Variants in LILRB1 observed in about 807,000 individuals in gnomAD.
LILRB1 encodes leukocyte immunoglobulin-like receptor subfamily B member 1.
A neutral mutation model predicts 74.6 loss-of-function variants in LILRB1; 59 were observed. The observed-to-expected ratio is 0.79, with a 90% CI of 0.64 to 0.98. The LOEUF (loss-of-function observed/expected upper bound fraction) is 0.98, where lower values mean the gene tolerates loss of function less well. Among genes scored for constraint, LILRB1 ranks in the 50% least tolerant of loss-of-function variants. The pLI is 0.00. For synonymous variants in LILRB1, 328 were observed against 333.9 expected (o/e 0.98, Z 0.19); for missense variants, 804 against 822.6 (o/e 0.98, Z 0.28).
rs2063965765 is a variant in LILRB1 at position 54,632,501 on chromosome 19, T to C, written c.699T>C (p.Gly233=). ...SKKPSLSVQP[G]PIVAPEETLT... is the part of the protein sequence containing the mutation. The stretch of plus-strand genomic sequence containing the variant: ...AGCCATCACTCTCAGTGCAGCCAGG[T>C]CCTATCGTGGCCCCTGAGGAGACCC... The change falls in exon 6 of 15, where the codon GGT becomes GGC. Residue 233 remains glycine (G), a synonymous_variant. Transcript: ENST00000324602. 2 of 1,613,708 alleles carry C rather than the reference T, an allele frequency of 1.2e-6. No individual in the cohort carries two copies.
intron 1 of LILRB1, 115 bp downstream of exon 1, chr19:54,630,748 C>A (rs2063762850): frequency 4.3e-6 from 3 of 702,300 alleles, no homozygotes; most frequent in Non-Finnish European, 7.5e-6. Flanking sequence ...AGGGCAGACA[C>A]AGGAAGGAAC....
upstream of LILRB1, among the ~76,000 whole-genome samples, chr19:54,629,710 A>G (rs1193086140): frequency 7.6e-6 from 1 of 131,254 alleles, no homozygotes; most frequent in Non-Finnish European, 1.7e-5. Flanking sequence ...GCAGATCCCG[A>G]GGTTCCTCTC....
rs376122026 is a variant in LILRB1 at position 54,630,504 on chromosome 19, C to T, written c.-178C>T. 2,037 of 479,760 alleles carry T rather than the reference C, an allele frequency of 4.2e-3. 23 individuals carry two copies. Among genetic ancestry groups the T allele is most frequent in the South Asian group, 0.03 (1,974 of 64,930 alleles). 29.7% of individuals were successfully genotyped at this position (479,760 alleles called of 1,614,324 possible). ...TCCCTGCATTTCTCTTCTGTGCTCACTGCCACACGCAGCTCAGCCTGGGCG... is the reference window on the plus strand; with the variant it reads ...TCCCTGCATTTCTCTTCTGTGCTCATTGCCACACGCAGCTCAGCCTGGGCG... On this transcript the variant is annotated 5_prime_UTR_variant, in exon 1 of 15. Transcript: ENST00000324602.
At chr19:54,630,893 CCTAATGGAATGAGAGCA>C in intron 1 of LILRB1, 116 bp from the exon 2 acceptor site, 1 of 1,360,318 alleles carries the variant, frequency 7.4e-7, no homozygotes, top group Non-Finnish European at 1.0e-6. Context: ...CCACCTCAGC[CCTAATGGAATGAGAGCA>C]AGGGTCCTGG....
At chr19:54,621,205 T>G (rs1600312192) in intron 1 of LILRB1, among the ~76,000 whole-genome samples, 1 of 152,310 alleles carries the variant, frequency 6.6e-6, no homozygotes. Flanking sequence ...GACTTTTCCT[T>G]TGGCTGGATA....
upstream of LILRB1, among the ~76,000 whole-genome samples, chr19:54,628,256 C>T (rs887704893): frequency 1.3e-5 from 2 of 152,230 alleles, no homozygotes; most frequent in African/African-American, 4.8e-5. Context: ...CCAGTATAAG[C>T]ATGCCAGGGC....
chr19:54,630,412 G>C (rs2063739866), upstream of LILRB1: 2 of 281,372 alleles, frequency 7.1e-6, no homozygotes, highest in African/African-American at 4.8e-5. Context: ...AGTTAAGAGG[G>C]GACTATTTGG....
Position 54,623,992 on chromosome 19 carries a change from G to C in LILRB1, c.-165-6525G>C, listed in dbSNP as rs557940959. On this transcript the variant is annotated intron_variant, in intron 1 of 15. Coordinates refer to the LILRB1 transcript ENST00000396331. ...TGCAGGCCAGGAGCTGGTGCTTAAG[G>C]GTAAGAGCCACCCTCGGCACAAGCA... is the stretch of plus-strand genomic sequence containing the variant. 5.9e-5 allele frequency among the ~76,000 whole-genome samples: 9 copies of C among 152,276 alleles called. No homozygotes were observed. In the East Asian group the frequency reaches 1.7e-3, roughly 29 times the overall value.
In LILRB1 at chr19:54,633,667, A is replaced by G; in HGVS notation, c.1291A>G (p.Thr431Ala). 1 of 1,613,622 alleles carries G rather than the reference A, an allele frequency of 6.2e-7. No homozygotes were observed. Among genetic ancestry groups the G allele is most frequent in the South Asian group, 1.1e-5 (1 of 91,032 alleles). Residue 431 changes from threonine to alanine, a missense_variant, in exon 8 of 15, where the codon ACA becomes GCA. Coordinates refer to ENST00000324602, the MANE Select transcript of LILRB1 (RefSeq NM_001081637.3). ...GTCTGGGGGCCCCAGCTCCCCGACAACAGGCCCCACCTCCACATCTGGTGA... is the reference window on the plus strand; with the variant it reads ...GTCTGGGGGCCCCAGCTCCCCGACAGCAGGCCCCACCTCCACATCTGGTGA... ...GPSGGPSSPT[T>A]GPTSTSAGPE... is the part of the protein sequence containing the mutation.
intron 1 of LILRB1, among the ~76,000 whole-genome samples, chr19:54,618,880 A>T (rs1165262329): frequency 6.6e-6 from 1 of 152,222 alleles, no homozygotes; most frequent in Non-Finnish European, 1.5e-5. Context: ...TAATCTAGGT[A>T]AACTATTAAA....
intron 13 of LILRB1, chr19:54,636,239 C>G (rs1205895014): frequency 1.2e-5 from 8 of 692,022 alleles, no homozygotes; most frequent in Non-Finnish European, 1.7e-5. Context: ...AGGAAACAAC[C>G]CTGCAAAGGC....
intron 1 of LILRB1, among the ~76,000 whole-genome samples, chr19:54,618,074 C>A (rs1338803467): frequency 7.5e-6 from 1 of 134,022 alleles, no homozygotes; most frequent in East Asian, 2.1e-4. Flanking sequence ...GCATTCCAGT[C>A]TGGGTGACAG....
intron 4 of LILRB1, 24 bp from the exon 5 acceptor site, chr19:54,631,911 A>G (rs1329319370): frequency 6.2e-7 from 1 of 1,610,442 alleles, no homozygotes; most frequent in Non-Finnish European, 8.5e-7. Context: ...GCCACATTTA[A>G]CACGGTGCCT....
chr19:54,633,734 A>G, intron 8 of LILRB1, 46 bp downstream of exon 8: 3 of 1,585,876 alleles, frequency 1.9e-6, no homozygotes, highest in Non-Finnish European at 2.6e-6. Flanking sequence ...GGCCTCCCCC[A>G]GGGCAGCCCT....
Position 54,633,563 on chromosome 19 carries a change from G to A in LILRB1, c.1262-75G>A, listed in dbSNP as rs369580228. Reference sequence around the variant, plus strand: ...GGCCTGGGGAGGCCACAGGTCCCATGTAGAGAAATTTGGTTTGAGGTGGAG... The same window carrying A: ...GGCCTGGGGAGGCCACAGGTCCCATATAGAGAAATTTGGTTTGAGGTGGAG... On this transcript the variant is annotated intron_variant, in intron 7 of 14. Transcript: ENST00000324602. 1.4e-4 allele frequency: 199 copies of A among 1,418,526 alleles called. 1 individual carries two copies. Among genetic ancestry groups the A allele is most frequent in the Non-Finnish European group, 1.6e-4 (169 of 1,039,340 alleles). 87.9% of individuals were successfully genotyped at this position (1,418,526 alleles called of 1,614,324 possible). A position where few individuals can be genotyped will look rare whatever the true frequency, so the allele number is the denominator to read the frequency against.
rs753349590 is a variant in LILRB1 at position 54,636,796 on chromosome 19, G to A, written c.1877G>A (p.Arg626Gln). ...YAQLHSLTLR[R>Q]EATEPPPSQE... ...CAGCTGCACAGCTTGACCCTCAGACGGGAGGCAACTGAGCCTCCTCCATCC... is the reference window on the plus strand; with the variant it reads ...CAGCTGCACAGCTTGACCCTCAGACAGGAGGCAACTGAGCCTCCTCCATCC... The change falls in exon 15 of 15, where the codon CGG (arginine) becomes CAG (glutamine). Residue 626 changes from arginine (R) to glutamine (Q), a missense_variant. Transcript: ENST00000324602. The A allele has an allele frequency of 8.0e-5, 129 of 1,612,330 alleles. No homozygotes were observed. Among genetic ancestry groups the A allele is most frequent in the Middle Eastern group, 1.7e-4 (1 of 6,056 alleles).
rs187598422 is a variant in LILRB1 at position 54,637,648 on chromosome 19, G to A, written c.*770G>A. 2 of 152,124 alleles carry A rather than the reference G, an allele frequency of 1.3e-5. No individual in the cohort carries two copies. The highest frequency in any genetic ancestry group is 1.3e-4 in the Admixed American group (2 of 15,294). The allele number at this position is 152,124 out of a possible 1,614,324, so 9.4% of individuals were successfully genotyped here. A position where few individuals can be genotyped will look rare whatever the true frequency, so the allele number is the denominator to read the frequency against. On this transcript the variant is annotated 3_prime_UTR_variant, in exon 15 of 15. Transcript: ENST00000324602. ...CAATAATAAGAGGAGTTGTTCATGA[G>A]GAAAAACCAAAGCTTGAAAATTCAA...
intron 9 of LILRB1, 93 bp from the exon 10 acceptor site, chr19:54,634,548 G>A (rs2064220285): frequency 6.6e-7 from 1 of 1,521,570 alleles, no homozygotes; most frequent in Non-Finnish European, 8.9e-7. Context: ...GTGGGGGTTG[G>A]AGGTGGTGAA....
At chr19:54,621,861 G>T (rs751942875) in intron 1 of LILRB1, among the ~76,000 whole-genome samples, 6 of 152,100 alleles carry the variant, frequency 3.9e-5, no homozygotes, top group Non-Finnish European at 8.8e-5. Context: ...GTTGATTTTT[G>T]TACATGGTGG....
Sources: allele counts gnomAD v4.1 joint callset (sites outside exome capture counted in the v4.1 genomes callset), GRCh38; gene constraint gnomAD v4.1.1; transcripts MANE v1.5; gene names NCBI Gene and HGNC (gene_info 2026-07-23, HGNC 2026-07-21).